The following CYTH3 variants were observed in gnomAD, a reference collection of about 807,000 sequenced individuals.
The protein encoded by CYTH3 is cytohesin 3, also known as cytohesin-3.
A neutral mutation model predicts 55.1 loss-of-function variants in CYTH3; 23 were observed. The ratio of observed to expected loss-of-function variants is 0.42; its 90% CI spans 0.30 to 0.59. CYTH3 has a LOEUF of 0.59. Ranked by LOEUF, CYTH3 falls within the 20% of genes least tolerant of loss-of-function variation. The pLI is 0.20. For missense variants in CYTH3, 413 were observed against 524.8 expected, an observed-to-expected ratio of 0.79 and a Z score of 2.08; for synonymous variants, 249 against 194.9, an observed-to-expected ratio of 1.28 and a Z score of -2.31.
chr7:6,242,234 G>A (rs558081312), intron 1 of CYTH3, among the ~76,000 whole-genome samples: 3 of 148,146 alleles, frequency 2.0e-5, no homozygotes, highest in African/African-American at 5.0e-5. Context: ...CCACCACTAC[G>A]CCCACCTAAT....
rs748146676 is a variant in CYTH3, at chr7:6,170,566, G to A, written c.792C>T (p.Asn264=). The change falls in exon 9 of 13, where the codon AAC becomes AAT. Residue 264 remains asparagine, a synonymous_variant. Transcript: ENST00000350796. The surrounding 1 kb of genome is among the most constrained non-coding windows in gnomAD (Gnocchi z 7.8). ...TCAGGAGCCAGCCCTCGCGGTCGGG[G>A]TTGAAGAAGGTGTGGGTCAGGTCGT... ...DGNDLTHTFF[N]PDREGWLLKL... 9.3e-6 allele frequency: 15 copies of A among 1,614,036 alleles called. No homozygotes were observed. In the African/African-American group the frequency reaches 1.6e-4, roughly 17 times the overall value.
intron 1 of CYTH3, among the ~76,000 whole-genome samples, chr7:6,205,070 T>G (rs1055590139): frequency 6.6e-6 from 1 of 151,434 alleles, no homozygotes; most frequent in East Asian, 2.0e-4. Context: ...GGGGCTGAGG[T>G]AGGAGAATCA....
intron 4 of CYTH3, among the ~76,000 whole-genome samples, chr7:6,181,501 T>C (rs924116926): frequency 6.8e-6 from 1 of 147,492 alleles, no homozygotes. Context: ...GCTCCTCATT[T>C]CTTCTTAGGT....
chr7:6,167,796 G>C lies in CYTH3; in HGVS notation c.824-1986C>G, dbSNP rs1213585187. Among the ~76,000 whole-genome samples, 1 of 152,224 alleles carries C rather than the reference G, an allele frequency of 6.6e-6. No individual in the cohort carries two copies. The highest frequency in any genetic ancestry group is 1.5e-5 in the Non-Finnish European group (1 of 68,034). ...TCTCTTCCTCCACGCTCCCAGCATG[G>C]TGGACAGCAAAGGACCTGTATGTTC... On this transcript the variant is annotated intron_variant, in intron 9 of 12. Transcript: ENST00000350796. The surrounding 1 kb of genome is among the most constrained non-coding windows in gnomAD (Gnocchi z 5.5).
At chr7:6,207,584 G>A (rs560387778) in intron 1 of CYTH3, among the ~76,000 whole-genome samples, 2 of 152,202 alleles carry the variant, frequency 1.3e-5, no homozygotes, top group South Asian at 4.1e-4. Flanking sequence ...GGGCAATATA[G>A]GCCACAGTGA....
chr7:6,230,370 T>C (rs1159707236), intron 1 of CYTH3, among the ~76,000 whole-genome samples: 1 of 152,128 alleles, frequency 6.6e-6, no homozygotes, highest in Non-Finnish European at 1.5e-5. Context: ...AGATACCTAT[T>C]CCCGTTCTAC....
intron 5 of CYTH3, among the ~76,000 whole-genome samples, chr7:6,174,593 G>T (rs1286480410): frequency 7.1e-6 from 1 of 140,712 alleles, no homozygotes; most frequent in African/African-American, 2.8e-5. Flanking sequence ...TGCTGCCCAG[G>T]CTGGAGTGCA....
chr7:6,259,789 ATATATAT>A (rs1780271246), intron 1 of CYTH3, among the ~76,000 whole-genome samples: 1 of 15,990 alleles, frequency 6.3e-5, no homozygotes, highest in Non-Finnish European at 8.1e-5. Flanking sequence ...TATATAATAT[ATATATAT>A]ATATATATAT....
Position 6,177,808 on chromosome 7 carries a change from C to T in CYTH3, c.368+15G>A. 2 of 1,597,216 alleles carry T rather than the reference C, an allele frequency of 1.3e-6. No individual in the cohort carries two copies. The highest frequency in any genetic ancestry group is 3.4e-4 in the Middle Eastern group (2 of 5,888). On this transcript the variant is annotated intron_variant, in intron 5 of 12. Transcript: ENST00000350796. ...AGTGGCCCCAGGTAGGGCTTTGCAT[C>T]CTCCTCTAACTCACCTTTCACCCAG...
chr7:6,230,181 CA>C (rs1435460615), intron 1 of CYTH3, among the ~76,000 whole-genome samples: 2 of 152,140 alleles, frequency 1.3e-5, no homozygotes, highest in Non-Finnish European at 2.9e-5. Context: ...CATCTCAACT[CA>C]AGGATGGTTG....
chr7:6,242,375 A>ATT (rs10525625), intron 1 of CYTH3, among the ~76,000 whole-genome samples: 5 of 105,784 alleles, frequency 4.7e-5, no homozygotes, highest in Non-Finnish European at 2.0e-5. Flanking sequence ...CGCGCCTGGC[A>ATT]TTTTTTTTTT....
chr7:6,259,772 T>TATAATATATATATATATAA lies in CYTH3; in HGVS notation c.34+12701_34+12702insTTATATATATATATATTAT, dbSNP rs1491219669. 2.7e-3 allele frequency among the ~76,000 whole-genome samples: 81 copies of TATAATATATATATATATAA among 30,486 alleles called. 4 individuals are homozygous for TATAATATATATATATATAA. The highest frequency in any genetic ancestry group is 6.2e-3 in the South Asian group (6 of 974). The allele number at this position is 30,486 out of a possible 152,430, so 20.0% of individuals were successfully genotyped here. ...TATATATATATTATATATATATATA[T>TATAATATATATATATATAA]TATATATATATAATATATATATATA... On this transcript the variant is annotated intron_variant, in intron 1 of 12. Coordinates refer to ENST00000350796, the MANE Select transcript of CYTH3 (RefSeq NM_004227.4).
chr7:6,177,518 T>A (rs1332419592), intron 5 of CYTH3, among the ~76,000 whole-genome samples: 3 of 152,196 alleles, frequency 2.0e-5, no homozygotes, highest in African/African-American at 4.8e-5. Flanking sequence ...ACGATTAAGA[T>A]GCTTTCCAAG....
intron 1 of CYTH3, among the ~76,000 whole-genome samples, chr7:6,195,027 T>C (rs1783892897): frequency 1.3e-5 from 2 of 150,910 alleles, no homozygotes; most frequent in African/African-American, 4.9e-5. Flanking sequence ...AAGAGACAAA[T>C]GAAAAGAGAA....
At chr7:6,210,677 T>C (rs1784301866) in intron 1 of CYTH3, among the ~76,000 whole-genome samples, 1 of 152,212 alleles carries the variant, frequency 6.6e-6, no homozygotes, top group African/African-American at 2.4e-5. Context: ...CCAGTGCTTG[T>C]CAGTCATTTT....
chr7:6,232,367 C>A (rs749401089), intron 1 of CYTH3, among the ~76,000 whole-genome samples: 1 of 152,152 alleles, frequency 6.6e-6, no homozygotes, highest in Non-Finnish European at 1.5e-5. Context: ...CTACCCGGCA[C>A]TCCCACTTCC....
At chr7:6,219,644 G>C (rs897797822) in intron 1 of CYTH3, among the ~76,000 whole-genome samples, 6 of 152,190 alleles carry the variant, frequency 3.9e-5, no homozygotes, top group African/African-American at 1.4e-4. Flanking sequence ...GCACAGGTAA[G>C]ATCTATGGAG....
intron 1 of CYTH3, among the ~76,000 whole-genome samples, chr7:6,219,780 A>G (rs1784512219): frequency 6.6e-6 from 1 of 152,218 alleles, no homozygotes; most frequent in African/African-American, 2.4e-5. Flanking sequence ...TCAAATTTCC[A>G]GTAAGTTTTT....
At chr7:6,174,574 G>C (rs1481164764) in intron 5 of CYTH3, among the ~76,000 whole-genome samples, 1 of 120,852 alleles carries the variant, frequency 8.3e-6, no homozygotes, top group Non-Finnish European at 1.6e-5. Context: ...TCCAGACAGA[G>C]TCTCGCTCTG....
Sources: gnomAD v4.1 joint callset for allele counts (sites outside exome capture counted in the v4.1 genomes callset) on GRCh38, gnomAD v4.1.1 for gene constraint, Gnocchi (gnomAD v3.1) non-coding constraint, MANE v1.5 for transcripts, NCBI Gene and HGNC (gene_info 2026-07-23, HGNC 2026-07-21) for gene names.